Variants in DNAJC9 observed in about 807,000 individuals in gnomAD.
The protein encoded by DNAJC9 is DnaJ heat shock protein family (Hsp40) member C9, also known as dnaJ homolog subfamily C member 9.
In DNAJC9, 18 loss-of-function variants were observed where a neutral mutation model predicts 32.4. The ratio of observed to expected loss-of-function variants is 0.56; its 90% CI spans 0.38 to 0.82. The LOEUF (loss-of-function observed/expected upper bound fraction) is 0.82. Among genes scored for constraint, DNAJC9 ranks in the 40% least tolerant of loss-of-function variants. DNAJC9 has a pLI of 0.00. For missense variants in DNAJC9, 310 were observed against 321.8 expected, an observed-to-expected ratio of 0.96 and a Z score of 0.28; for synonymous variants, 113 against 122.1, an observed-to-expected ratio of 0.93 and a Z score of 0.49.
chr10:73,243,589 G>A, intron 4 of DNAJC9, 70 bp from the exon 5 acceptor site: 1 of 1,589,602 alleles, frequency 6.3e-7, no homozygotes, highest in Non-Finnish European at 8.6e-7. Flanking sequence ...GTGGTTGCCA[G>A]GGGCTGGAAA....
downstream of DNAJC9, among the ~76,000 whole-genome samples, chr10:73,240,598 G>C (rs553310644): frequency 6.6e-6 from 1 of 152,104 alleles, no homozygotes; most frequent in East Asian, 1.9e-4. Flanking sequence ...TGTAGTCCCA[G>C]CTACTCGGGG....
chr10:73,241,585 T>C (rs1055233599), downstream of DNAJC9: 1 of 154,698 alleles, frequency 6.5e-6, no homozygotes, highest in African/African-American at 2.4e-5. Flanking sequence ...ATGTTAAGCA[T>C]TAGTATAAAG....
downstream of DNAJC9, chr10:73,235,439 T>C: frequency 3.4e-6 from 5 of 1,464,808 alleles, no homozygotes; most frequent in South Asian, 7.2e-5. Flanking sequence ...AAGTTGAGTT[T>C]CCAACAATAA....
chr10:73,235,276 G>C, downstream of DNAJC9: 1 of 1,552,052 alleles, frequency 6.4e-7, no homozygotes, highest in Non-Finnish European at 8.7e-7. Context: ...GGCTCCTTTT[G>C]CCCGACTTTT....
At chr10:73,244,037 A>C (rs1291120850) in intron 3 of DNAJC9, 108 bp from the exon 4 acceptor site, 3 of 838,086 alleles carry the variant, frequency 3.6e-6, no homozygotes, top group African/African-American at 3.5e-5. Flanking sequence ...TGAATATATG[A>C]ATAGACAAAA....
At chr10:73,243,723 G>T in intron 4 of DNAJC9, 120 bp downstream of exon 4, 2 of 1,118,158 alleles carry the variant, frequency 1.8e-6, no homozygotes, top group South Asian at 1.5e-5. Flanking sequence ...ACTTTAAAAG[G>T]ACAAATAGAA....
At chr10:73,241,175 T>C (rs540910664), downstream of DNAJC9, 61 of 607,380 alleles carry the variant, frequency 1.0e-4, no homozygotes, top group East Asian at 7.9e-4. Context: ...CAAAACACCA[T>C]AGCAGCCAAA....
Position 73,247,227 on chromosome 10 carries a change from CCCAGCTGCGCCG to C in DNAJC9, c.-50_-39del. 1 of 1,564,224 alleles carries C rather than the reference CCCAGCTGCGCCG, an allele frequency of 6.4e-7. No homozygotes were observed. The highest frequency in any genetic ancestry group is 1.2e-5 in the South Asian group (1 of 85,586). ...TACGACCCCGGAGGAAGCAGCCGCT[CCCAGCTGCGCCG>C]GGTACAACCCAGGACTGCTTCTTTT... On this transcript the variant is annotated 5_prime_UTR_variant, in exon 1 of 5. Coordinates refer to ENST00000372950, the MANE Select transcript of DNAJC9 (RefSeq NM_015190.5).
downstream of DNAJC9, among the ~76,000 whole-genome samples, chr10:73,239,880 T>C (rs1337846106): frequency 6.6e-6 from 1 of 152,226 alleles, no homozygotes; most frequent in Admixed American, 6.5e-5. Context: ...TTTTTATCTT[T>C]AAATTATACT....
chr10:73,239,249 G>C (rs533434342), downstream of DNAJC9: 68 of 1,394,556 alleles, frequency 4.9e-5, no homozygotes, highest in African/African-American at 7.9e-4. Context: ...CTGTGAACCT[G>C]CTAAAATATT....
downstream of DNAJC9, among the ~76,000 whole-genome samples, chr10:73,236,671 CA>C (rs2043828908): frequency 6.6e-6 from 1 of 151,774 alleles, no homozygotes; most frequent in Admixed American, 6.6e-5. Context: ...CTCAGCCTCC[CA>C]AAGTGCTGTG....
chr10:73,234,730 C>T (rs1589194800), downstream of DNAJC9: 3 of 1,409,344 alleles, frequency 2.1e-6, no homozygotes, highest in African/African-American at 1.4e-5. Context: ...AACTCATCTG[C>T]TTCATTTATC....
downstream of DNAJC9, chr10:73,235,518 C>A: frequency 2.4e-6 from 3 of 1,232,358 alleles, no homozygotes; most frequent in East Asian, 2.9e-5. Flanking sequence ...ATGCCTTATA[C>A]AGAAATCACA....
At chr10:73,236,730 T>C (rs574049118), downstream of DNAJC9, among the ~76,000 whole-genome samples, 24 of 150,800 alleles carry the variant, frequency 1.6e-4, no homozygotes, top group Non-Finnish European at 2.2e-4. Flanking sequence ...CTTTTCTTTT[T>C]TTTTTTTTTT....
downstream of DNAJC9, chr10:73,235,330 T>G (rs1365729728): frequency 6.4e-7 from 1 of 1,551,622 alleles, no homozygotes; most frequent in Non-Finnish European, 8.7e-7. Context: ...TAGAGTGACG[T>G]ACTTCCTAGA....
chr10:73,245,606 G>A (rs1262862267), intron 3 of DNAJC9, among the ~76,000 whole-genome samples: 1 of 152,112 alleles, frequency 6.6e-6, no homozygotes, highest in Non-Finnish European at 1.5e-5. Context: ...TGTGTACCCG[G>A]GTTCCACTAA....
chr10:73,237,059 G>C (rs886203857), downstream of DNAJC9, among the ~76,000 whole-genome samples: 1 of 151,988 alleles, frequency 6.6e-6, no homozygotes, highest in African/African-American at 2.4e-5. Context: ...CTGTGTCCAG[G>C]GTTCCCTCTT....
downstream of DNAJC9, chr10:73,234,251 T>G (rs997479075): frequency 6.5e-6 from 1 of 154,494 alleles, no homozygotes; most frequent in Admixed American, 6.3e-5. Flanking sequence ...GTAGTCTTGA[T>G]GTATAATTAA....
At chr10:73,237,339 G>C (rs2043843804), downstream of DNAJC9, among the ~76,000 whole-genome samples, 1 of 152,126 alleles carries the variant, frequency 6.6e-6, no homozygotes, top group Non-Finnish European at 1.5e-5. Context: ...AACTTCTACT[G>C]AATTTGCCTT....
Sources: allele counts gnomAD v4.1 joint callset (sites outside exome capture counted in the v4.1 genomes callset), GRCh38; gene constraint gnomAD v4.1.1; transcripts MANE v1.5; gene names NCBI Gene and HGNC (gene_info 2026-07-23, HGNC 2026-07-21).